The following RBFOX1 variants were observed in gnomAD, a reference collection of about 807,000 sequenced individuals.
RBFOX1 encodes RNA binding protein fox-1 homolog 1.
In RBFOX1, 8 loss-of-function variants were observed where a neutral mutation model predicts 57.7. That is an observed-to-expected ratio of 0.14 (90% confidence interval 0.08 to 0.25). The LOEUF (loss-of-function observed/expected upper bound fraction) is 0.25, where lower values mean the gene tolerates loss of function less well. RBFOX1 is among the 10% of genes least tolerant of loss of function. The pLI, the probability that RBFOX1 is intolerant of heterozygous loss-of-function variation, is 1.00. For missense variants in RBFOX1, 611 were observed against 548.5 expected (o/e 1.11, Z -1.14); for synonymous variants, 326 against 222.4 (o/e 1.47, Z -4.15).
chr16:7,637,949 T>C (rs1055065907), intron 11 of RBFOX1, among the ~76,000 whole-genome samples: 1 of 152,244 alleles, frequency 6.6e-6, no homozygotes, highest in African/African-American at 2.4e-5. Context: ...TTTATTCCTT[T>C]TTCCTTTTGG....
chr16:5,374,713 T>A (rs1185704298), intron 1 of RBFOX1, among the ~76,000 whole-genome samples: 1 of 136,124 alleles, frequency 7.3e-6, no homozygotes, highest in Non-Finnish European at 1.6e-5. Flanking sequence ...TATCTCTATG[T>A]GTTTTTTTTT....
intron 4 of RBFOX1, among the ~76,000 whole-genome samples, chr16:7,425,777 G>C (rs1739964708): frequency 6.6e-6 from 1 of 152,200 alleles, no homozygotes; most frequent in Admixed American, 6.5e-5. Context: ...ACTGGGGAGA[G>C]AAAGGATCGC....
intron 4 of RBFOX1, among the ~76,000 whole-genome samples, chr16:7,125,511 C>T (rs555298443): frequency 6.6e-6 from 1 of 152,122 alleles, no homozygotes; most frequent in Non-Finnish European, 1.5e-5. Flanking sequence ...TTTGTTCCTT[C>T]AGAAAATATG....
intron 4 of RBFOX1, among the ~76,000 whole-genome samples, chr16:7,487,081 G>A (rs1366651124): frequency 2.6e-5 from 4 of 152,024 alleles, no homozygotes; most frequent in Non-Finnish European, 5.9e-5. Context: ...TGTAATTTTA[G>A]TAGAGATGAG....
intron 3 of RBFOX1, among the ~76,000 whole-genome samples, chr16:6,964,104 C>T (rs142483629): frequency 4.5e-4 from 68 of 152,180 alleles, no homozygotes; most frequent in Middle Eastern, 3.4e-3. Flanking sequence ...CTGCAACCTC[C>T]GCCTCCCGAA....
In RBFOX1 at chr16:7,258,309, CA is replaced by C. The variant is rs1244352679; in HGVS notation, c.27+206212del. ...ATTTATTCAGCCTCCGTATTTTATA[CA>C]TTAAAATGAGTGAAAATGATAAGAA... On this transcript the variant is annotated intron_variant, in intron 4 of 15. Transcript: ENST00000550418. 2.6e-5 allele frequency among the ~76,000 whole-genome samples: 4 copies of C among 152,214 alleles called. No homozygotes were observed. In the East Asian group the frequency reaches 5.8e-4, roughly 22 times the overall value.
At chr16:7,557,882 A>G (rs1007229880) in intron 5 of RBFOX1, among the ~76,000 whole-genome samples, 1 of 151,978 alleles carries the variant, frequency 6.6e-6, no homozygotes, top group South Asian at 2.1e-4. Context: ...CAAGATACCA[A>G]TGCCTCGTCA....
chr16:7,637,671 T>C (rs2143006356), intron 11 of RBFOX1, among the ~76,000 whole-genome samples: 1 of 152,280 alleles, frequency 6.6e-6, no homozygotes, highest in South Asian at 2.1e-4. Flanking sequence ...TACTGACACA[T>C]TGGTGTAAAG....
At chr16:6,906,430 G>C (rs536365155) in intron 3 of RBFOX1, among the ~76,000 whole-genome samples, 17 of 152,190 alleles carry the variant, frequency 1.1e-4, no homozygotes, top group African/African-American at 3.6e-4. Flanking sequence ...TGGGAAAATA[G>C]CCTCTGGCCT....
intron 1 of RBFOX1, among the ~76,000 whole-genome samples, chr16:6,052,832 A>ATAATAATAATAT (rs1555488835): frequency 7.3e-6 from 1 of 137,474 alleles, no homozygotes; most frequent in Admixed American, 7.3e-5. Context: ...AATAATAATA[A>ATAATAATAATAT]TAATATTAAT....
chr16:5,979,397 C>A (rs1284705413), intron 4 of RBFOX1, among the ~76,000 whole-genome samples: 1 of 152,164 alleles, frequency 6.6e-6, no homozygotes, highest in Non-Finnish European at 1.5e-5. Context: ...TTATTTCCTT[C>A]TTTTTATCTC....
intron 14 of RBFOX1, among the ~76,000 whole-genome samples, chr16:7,691,800 A>G (rs2077400690): frequency 6.6e-6 from 1 of 152,156 alleles, no homozygotes; most frequent in Admixed American, 6.6e-5. Flanking sequence ...GAAATTGGGT[A>G]GAGCTGCCCC....
intron 2 of RBFOX1, among the ~76,000 whole-genome samples, chr16:6,347,369 G>T (rs1368331273): frequency 1.3e-5 from 2 of 152,186 alleles, no homozygotes; most frequent in Non-Finnish European, 2.9e-5. Context: ...TAAAGATACA[G>T]CTGTGAACAA....
intron 4 of RBFOX1, among the ~76,000 whole-genome samples, chr16:7,173,396 A>T (rs566080467): frequency 1.3e-3 from 200 of 152,310 alleles, no homozygotes; most frequent in Non-Finnish European, 1.5e-3. Flanking sequence ...AGAATTCAGA[A>T]ACAACAGGGT....
intron 2 of RBFOX1, among the ~76,000 whole-genome samples, chr16:6,640,469 C>A (rs2098478092): frequency 6.6e-6 from 1 of 151,904 alleles, no homozygotes; most frequent in Non-Finnish European, 1.5e-5. Flanking sequence ...ATTAGCCAGG[C>A]ATAGAGCAGG....
At chr16:6,274,058 G>C (rs1002835919) in intron 1 of RBFOX1, among the ~76,000 whole-genome samples, 1 of 152,192 alleles carries the variant, frequency 6.6e-6, no homozygotes, top group East Asian at 1.9e-4. Flanking sequence ...TACTTGCAAG[G>C]TTGTTGAGCA....
At chr16:6,585,810 C>A (rs995583910) in intron 2 of RBFOX1, among the ~76,000 whole-genome samples, 2 of 152,020 alleles carry the variant, frequency 1.3e-5, no homozygotes, top group African/African-American at 2.4e-5. Flanking sequence ...TCCTCTTTGA[C>A]AATTTGTGTA....
At chr16:7,690,442 T>C (rs1307206831) in intron 14 of RBFOX1, among the ~76,000 whole-genome samples, 1 of 152,138 alleles carries the variant, frequency 6.6e-6, no homozygotes, top group Non-Finnish European at 1.5e-5. Context: ...TTATTTACAA[T>C]GTGCAGCCAA....
In RBFOX1 at chr16:6,447,906, T is replaced by G. The variant is rs562897154; in HGVS notation, c.-64+130849T>G. ...TTAGGACTTGTTCAAGGGAGTGACA[T>G]CACACACGCTGTCATCCTTACATCA... On this transcript the variant is annotated intron_variant, in intron 2 of 15. Coordinates refer to ENST00000550418, the MANE Select transcript of RBFOX1 (RefSeq NM_018723.4). Among the ~76,000 whole-genome samples, 114 of 152,254 alleles carry G rather than the reference T, an allele frequency of 7.5e-4. 1 individual carries two copies. The highest frequency in any genetic ancestry group is 2.7e-3 in the African/African-American group (112 of 41,556).
Sources: allele counts gnomAD v4.1 joint callset (sites outside exome capture counted in the v4.1 genomes callset), GRCh38; gene constraint gnomAD v4.1.1; transcripts MANE v1.5; gene names NCBI Gene and HGNC (gene_info 2026-07-23, HGNC 2026-07-21).